The following APBB2 variants were observed in gnomAD, a reference collection of about 807,000 sequenced individuals.
APBB2 encodes the protein amyloid beta precursor protein binding family B member 2.
Under a neutral mutation model 82.5 loss-of-function variants are expected in APBB2, and 38 were observed. That is an observed-to-expected ratio of 0.46 (90% confidence interval 0.36 to 0.60). The LOEUF is 0.60. Ranked by LOEUF, APBB2 falls within the 20% of genes least tolerant of loss-of-function variation. The pLI is 0.00. For synonymous variants in APBB2, 341 were observed against 368.2 expected (o/e 0.93, Z 0.85); for missense variants, 772 against 972.3 (o/e 0.79, Z 2.74).
intron 2 of APBB2, among the ~76,000 whole-genome samples, chr4:41,118,950 G>A (rs1314710158): frequency 6.6e-6 from 1 of 152,044 alleles, no homozygotes; most frequent in Non-Finnish European, 1.5e-5. Context: ...GACTGGCCTT[G>A]GCAATACAGC....
At chr4:40,985,140 T>C (rs13121256) in intron 6 of APBB2, among the ~76,000 whole-genome samples, 58,967 of 151,848 alleles carry the variant, frequency 0.39, 12,351 homozygotes, top group East Asian at 0.67. Flanking sequence ...GTCTCAGACT[T>C]CTGGGTTCAC....
Position 40,816,192 on chromosome 4 carries a change from G to A in APBB2, c.2180C>T (p.Ala727Val). The change falls in exon 18 of 18, where the codon GCA becomes GTA. Residue 727 changes from alanine to valine, a missense_variant. Physicochemically the swap from Ala to Val is moderately conservative, Grantham distance 64 (BLOSUM62 0). Coordinates refer to ENST00000508593, the MANE Select transcript of APBB2 (RefSeq NM_004307.2). Reference protein sequence around the residue: ...SQKVRPPPPPADSVTRRVTTN... With the variant: ...SQKVRPPPPPVDSVTRRVTTN... ...TGTGACTCTTCTGGTTACTGAATCT[G>A]CTGGCGGTGGAGGTGGTCGAACTTT... 5 of 1,614,218 alleles carry A rather than the reference G, an allele frequency of 3.1e-6. No homozygotes were observed. The highest frequency in any genetic ancestry group is 4.2e-6 in the Non-Finnish European group (5 of 1,180,040).
intron 5 of APBB2, among the ~76,000 whole-genome samples, chr4:41,026,077 G>T (rs549405207): frequency 1.6e-4 from 25 of 151,948 alleles, no homozygotes; most frequent in African/African-American, 5.8e-4. Flanking sequence ...ATTATCCTTA[G>T]AAAACTAATG....
chr4:40,998,766 T>C (rs1316169450), intron 6 of APBB2, among the ~76,000 whole-genome samples: 1 of 152,188 alleles, frequency 6.6e-6, no homozygotes, highest in Admixed American at 6.5e-5. Flanking sequence ...TGGGTCATTA[T>C]TAAGTAAAAT....
At chr4:40,851,740 T>TATATATATATATA (rs1560700519) in intron 12 of APBB2, among the ~76,000 whole-genome samples, 161 of 39,764 alleles carry the variant, frequency 4.0e-3, no homozygotes, top group African/African-American at 0.013. Context: ...ATATATATAT[T>TATATATATATATA]TTTTTTTTTT....
intron 2 of APBB2, chr4:41,138,168 AAAAACAC>A (rs1758119342): frequency 6.6e-6 from 1 of 152,222 alleles, no homozygotes; most frequent in African/African-American, 2.4e-5. Context: ...TGCATTTAAA[AAAAACAC>A]AAAAACTAAG....
At chr4:41,003,838 G>A (rs150176949) in intron 6 of APBB2, among the ~76,000 whole-genome samples, 2,242 of 152,250 alleles carry the variant, frequency 0.015, 55 homozygotes, top group African/African-American at 0.049. Flanking sequence ...TCAGCCTCCT[G>A]AGTAGCTGGA....
chr4:41,018,257 T>G (rs1009392668), intron 5 of APBB2, among the ~76,000 whole-genome samples: 2 of 152,198 alleles, frequency 1.3e-5, no homozygotes, highest in Non-Finnish European at 2.9e-5. Context: ...GTGCTAGGAA[T>G]TGGAAAACCA....
intron 7 of APBB2, among the ~76,000 whole-genome samples, chr4:40,940,093 C>A (rs1270436529): frequency 4.0e-5 from 6 of 151,762 alleles, no homozygotes; most frequent in Non-Finnish European, 8.8e-5. Context: ...GCCCTGTGCA[C>A]AGGATGAGGA....
At chr4:40,928,728 TA>T (rs1262228630) in intron 10 of APBB2, among the ~76,000 whole-genome samples, 1 of 150,768 alleles carries the variant, frequency 6.6e-6, no homozygotes, top group Non-Finnish European at 1.5e-5. Flanking sequence ...CTACTAAAAA[TA>T]AAAAAATTAG....
intron 10 of APBB2, among the ~76,000 whole-genome samples, chr4:40,905,874 G>A (rs566377922): frequency 6.6e-6 from 1 of 152,238 alleles, no homozygotes; most frequent in South Asian, 2.1e-4. Context: ...CGATGGTCCA[G>A]AACAGCAGCC....
intron 10 of APBB2, among the ~76,000 whole-genome samples, chr4:40,900,394 C>T (rs1345588038): frequency 2.0e-5 from 3 of 150,716 alleles, no homozygotes; most frequent in African/African-American, 4.9e-5. Flanking sequence ...ATCTATAGCA[C>T]GGACCATGAA....
rs545426328 is a variant in APBB2, at chr4:41,083,749, T to C, written c.-149+16890A>G. ...CCATTTATAGGTCCTGTTGTAAAGG[T>C]AGAAGTTTCACAGTAAGTTTCTAAC... is the stretch of plus-strand genomic sequence containing the variant. On this transcript the variant is annotated intron_variant, in intron 3 of 17. Coordinates refer to ENST00000508593, the MANE Select transcript of APBB2 (RefSeq NM_004307.2). Among the ~76,000 whole-genome samples the C allele has an allele frequency of 3.5e-5, 5 of 144,142 alleles. No individual in the cohort carries two copies. The South Asian group carries it at 8.8e-4, about 25-fold the overall frequency. The allele number at this position is 144,142 out of a possible 152,430, so 94.6% of individuals were successfully genotyped here.
chr4:40,897,639 T>A lies in APBB2; in HGVS notation c.1255-4228A>T, dbSNP rs183789270. The stretch of plus-strand genomic sequence containing the variant: ...GCTCTTGTTTTAATTTAGTTTCTCA[T>A]CTGAAGAGTTTCACCCCATTCCATG... On this transcript the variant is annotated intron_variant, in intron 10 of 17. Coordinates refer to ENST00000508593, the MANE Select transcript of APBB2 (RefSeq NM_004307.2). Among the ~76,000 whole-genome samples, 97 of 152,340 alleles carry A rather than the reference T, an allele frequency of 6.4e-4. 1 individual carries two copies. The highest frequency in any genetic ancestry group is 2.2e-3 in the African/African-American group (91 of 41,578).
intron 1 of APBB2, among the ~76,000 whole-genome samples, chr4:41,159,643 T>G (rs938513330): frequency 1.3e-5 from 2 of 152,064 alleles, no homozygotes; most frequent in Admixed American, 1.3e-4. Context: ...TCAATTCTTA[T>G]AGAGATATTA....
At chr4:40,843,855 C>T (rs1003497776) in intron 12 of APBB2, among the ~76,000 whole-genome samples, 2 of 152,164 alleles carry the variant, frequency 1.3e-5, no homozygotes, top group African/African-American at 4.8e-5. Context: ...GGTCACACAG[C>T]TACTACATGG....
chr4:40,976,227 T>C (rs1184053655), intron 6 of APBB2, among the ~76,000 whole-genome samples: 1 of 152,192 alleles, frequency 6.6e-6, no homozygotes, highest in Non-Finnish European at 1.5e-5. Flanking sequence ...TAGACTTTAA[T>C]TTCAAATTAT....
chr4:41,154,300 C>T (rs953897545), intron 1 of APBB2, among the ~76,000 whole-genome samples: 2 of 152,148 alleles, frequency 1.3e-5, no homozygotes, highest in African/African-American at 4.8e-5. Flanking sequence ...TACCATTATA[C>T]CCGCTTCTAC....
At chr4:41,074,075 A>G (rs529104602) in intron 3 of APBB2, among the ~76,000 whole-genome samples, 1 of 152,322 alleles carries the variant, frequency 6.6e-6, no homozygotes, top group Admixed American at 6.5e-5. Context: ...ACAGTGAGCT[A>G]TGATGGTGCC....
Sources: gnomAD v4.1 joint callset for allele counts (sites outside exome capture counted in the v4.1 genomes callset) on GRCh38, gnomAD v4.1.1 for gene constraint, MANE v1.5 for transcripts, NCBI Gene and HGNC (gene_info 2026-07-23, HGNC 2026-07-21) for gene names.